Variants in RGS9 observed in about 807,000 individuals in gnomAD.
The protein encoded by RGS9 is regulator of G-protein signalling 9.
Under a neutral mutation model 102.0 loss-of-function variants are expected in RGS9, and 78 were observed. That is an observed-to-expected ratio of 0.76 (90% CI 0.64 to 0.92). The LOEUF is 0.92. RGS9 is among the 40% of genes least tolerant of loss of function. The probability of loss-of-function intolerance (pLI) is 0.00; values close to 1 mark genes in which losing one functional copy is unlikely to be tolerated. For synonymous variants in RGS9, 353 were observed against 318.6 expected (o/e 1.11, Z -1.15); for missense variants, 833 against 866.1 (o/e 0.96, Z 0.48).
At chr17:65,150,975 C>T (rs138482504) in intron 1 of RGS9, among the ~76,000 whole-genome samples, 1 of 152,178 alleles carries the variant, frequency 6.6e-6, no homozygotes, top group African/African-American at 2.4e-5. Flanking sequence ...TAGCAAACAG[C>T]GAATAACAAG....
rs753076112 is a variant in RGS9, at chr17:65,208,020, A to G, written c.1289+13A>G. The G allele has an allele frequency of 1.9e-6, 3 of 1,582,078 alleles. No individual in the cohort carries two copies. Among genetic ancestry groups the G allele is most frequent in the Non-Finnish European group, 2.6e-6 (3 of 1,151,146 alleles). On this transcript the variant is annotated intron_variant, in intron 16 of 18. Transcript: ENST00000262406. The stretch of plus-strand genomic sequence containing the variant: ...CCACCAAGAAAAGGCAAGTGGAATT[A>G]TCTGTAATTGCTGGCTGCCTGCTGC...
In RGS9 at chr17:65,210,515, C is replaced by T. The variant is rs764697481; in HGVS notation, c.1317C>T (p.His439=). 3.7e-6 allele frequency: 6 copies of T among 1,613,776 alleles called. 1 individual carries two copies. The South Asian group carries it at 4.4e-5, about 12-fold the overall frequency. The change falls in exon 17 of 19, where the codon CAC becomes CAT. Residue 439 remains histidine, a synonymous_variant. Coordinates refer to ENST00000262406, the MANE Select transcript of RGS9 (RefSeq NM_003835.4). ...CCACCCTCCCTTTTATGCGGCGTCA[C>T]CTGCGCTCCAGCCCAAGCCCTGTCA... ...KSSTLPFMRR[H]LRSSPSPVIL... is the part of the protein sequence containing the mutation.
At chr17:65,189,401 A>G in intron 10 of RGS9, 86 bp downstream of exon 10, 3 of 1,031,706 alleles carry the variant, frequency 2.9e-6, no homozygotes, top group East Asian at 2.4e-5. Context: ...TGCGCTTGGT[A>G]ATGAAATGAA....
chr17:65,175,827 A>C (rs1911604843), intron 8 of RGS9, among the ~76,000 whole-genome samples: 1 of 152,180 alleles, frequency 6.6e-6, no homozygotes. Flanking sequence ...AAATACAGGA[A>C]ATTTGGTTGA....
intron 12 of RGS9, among the ~76,000 whole-genome samples, chr17:65,195,802 G>T (rs1912562233): frequency 6.6e-6 from 1 of 152,200 alleles, no homozygotes; most frequent in African/African-American, 2.4e-5. Flanking sequence ...AGCGTTTTTT[G>T]AAAGCTCTGC....
At chr17:65,200,121 TC>T (rs1236636378) in intron 13 of RGS9, among the ~76,000 whole-genome samples, 1 of 152,082 alleles carries the variant, frequency 6.6e-6, no homozygotes, top group African/African-American at 2.4e-5. Context: ...AACCACTGCC[TC>T]CCTGGTTCAA....
chr17:65,152,235 G>C (rs1311220943), intron 1 of RGS9, among the ~76,000 whole-genome samples: 1 of 152,206 alleles, frequency 6.6e-6, no homozygotes, highest in East Asian at 1.9e-4. Context: ...CCAGAACATG[G>C]GACCCGCCCA....
chr17:65,223,441 C>T (rs1033780747), intron 17 of RGS9, among the ~76,000 whole-genome samples: 3 of 152,234 alleles, frequency 2.0e-5, no homozygotes, highest in East Asian at 1.9e-4. Flanking sequence ...GCCCTGCCCT[C>T]AGTGGCCCCT....
At chr17:65,167,262 C>T (rs1357885691) in intron 7 of RGS9, among the ~76,000 whole-genome samples, 2 of 151,914 alleles carry the variant, frequency 1.3e-5, no homozygotes, top group African/African-American at 2.4e-5. Context: ...AGTGCAGTGG[C>T]GCGATCTCGG....
At position 65,168,284 on chromosome 17, in the gene RGS9, G is replaced by A. The variant is rs372241377; in HGVS notation, c.582+3G>A. ...ACTGGCTGGTGCACCGATGCCCTGT[G>A]AGTATCCTCCTGCCTGGTGTCCTCT... On this transcript the variant is annotated splice_donor_region_variant and intron_variant, in intron 8 of 18. Transcript: ENST00000262406. 4.4e-6 allele frequency: 7 copies of A among 1,600,402 alleles called. No individual in the cohort carries two copies. Among genetic ancestry groups the A allele is most frequent in the Non-Finnish European group, 6.0e-6 (7 of 1,170,774 alleles).
chr17:65,137,571 A>G lies in RGS9; in HGVS notation c.31A>G (p.Arg11Gly), dbSNP rs1183895830. The G allele has an allele frequency of 6.2e-7, 1 of 1,612,980 alleles. No individual in the cohort carries two copies. The highest frequency in any genetic ancestry group is 1.3e-5 in the African/African-American group (1 of 74,926). The change falls in exon 1 of 19, where the codon AGG (arginine) becomes GGG (glycine). Residue 11 changes from arginine to glycine, a missense_variant. Physicochemically the swap from Arg to Gly is moderately radical, Grantham distance 125 (BLOSUM62 -2). This residue lies in a region of RGS9 where 328 missense variants were observed against 340.6 expected (regional missense o/e 0.96). Coordinates refer to ENST00000262406, the MANE Select transcript of RGS9 (RefSeq NM_003835.4). MTIRHQGQQYRPRMAFLQKIE... is the reference protein window; with the variant it reads MTIRHQGQQYGPRMAFLQKIE... ...AATCCGACACCAAGGCCAGCAGTAC[A>G]GGCCGAGGATGGCATTTCTCCAAAA... is the stretch of plus-strand genomic sequence containing the variant.
chr17:65,201,534 G>A (rs1197947221), intron 13 of RGS9, among the ~76,000 whole-genome samples: 5 of 152,238 alleles, frequency 3.3e-5, no homozygotes, highest in African/African-American at 1.2e-4. Context: ...GAAAACCGTA[G>A]CGTAGCAACG....
intron 9 of RGS9, among the ~76,000 whole-genome samples, chr17:65,184,526 T>C (rs1053649363): frequency 9.2e-5 from 14 of 152,172 alleles, no homozygotes; most frequent in Non-Finnish European, 1.9e-4. Flanking sequence ...CCTCTTTTTT[T>C]CTATTCTCCT....
In RGS9 at chr17:65,207,973, A is replaced by G; in HGVS notation, c.1255A>G (p.Lys419Glu). Residue 419 changes from lysine to glutamate, a missense_variant, in exon 16 of 19, where the codon AAA (lysine) becomes GAA (glutamate). Lys to Glu is a moderately conservative substitution (Grantham distance 56). Transcript: ENST00000262406. ...TCCGATCTATAAGGACATGCTGGCC[A>G]AAGCTATTGAACCTCAGGAAACCAC... is the stretch of plus-strand genomic sequence containing the variant. ...KSPIYKDMLA[K>E]AIEPQETTKK... 1 of 1,613,530 alleles carries G rather than the reference A, an allele frequency of 6.2e-7. No homozygotes were observed. Among genetic ancestry groups the G allele is most frequent in the Non-Finnish European group, 8.5e-7 (1 of 1,179,518 alleles).
At chr17:65,154,317 T>G (rs1910691112) in intron 2 of RGS9, among the ~76,000 whole-genome samples, 1 of 152,102 alleles carries the variant, frequency 6.6e-6, no homozygotes, top group Non-Finnish European at 1.5e-5. Context: ...AGCTGAAATG[T>G]TTATTTACTA....
At chr17:65,142,012 T>G (rs145102040) in intron 1 of RGS9, among the ~76,000 whole-genome samples, 287 of 152,270 alleles carry the variant, frequency 1.9e-3, no homozygotes, top group African/African-American at 6.3e-3. Context: ...ATCCCAGTAC[T>G]TTGGGAGGCT....
At chr17:65,205,109 T>A (rs1005001966) in intron 15 of RGS9, among the ~76,000 whole-genome samples, 5 of 151,436 alleles carry the variant, frequency 3.3e-5, no homozygotes, top group East Asian at 1.9e-4. Context: ...GGTGGGAATT[T>A]AAAAAAAAAT....
chr17:65,172,939 T>C (rs1486981528), intron 8 of RGS9, among the ~76,000 whole-genome samples: 1 of 152,054 alleles, frequency 6.6e-6, no homozygotes, highest in African/African-American at 2.4e-5. Flanking sequence ...TCTTTTTTTT[T>C]TGAGATGGAG....
intron 18 of RGS9, 25 bp from the exon 19 acceptor site, chr17:65,227,250 A>G (rs1196725361): frequency 1.9e-6 from 3 of 1,614,084 alleles, no homozygotes; most frequent in Non-Finnish European, 2.5e-6. Flanking sequence ...CCCCTACATT[A>G]CTGGCTTTCC....
Sources: allele counts gnomAD v4.1 joint callset (sites outside exome capture counted in the v4.1 genomes callset), GRCh38; gene constraint gnomAD v4.1.1; regional missense constraint gnomAD v4.1.1; transcripts MANE v1.5; gene names NCBI Gene and HGNC (gene_info 2026-07-23, HGNC 2026-07-21).